The following DNAH14 variants were observed in gnomAD, a reference collection of about 807,000 sequenced individuals.
DNAH14 encodes the protein dynein axonemal heavy chain 14.
DNAH14 carries 478 observed loss-of-function variants against 520.9 expected under a neutral mutation model. That is an observed-to-expected ratio of 0.92 (90% CI 0.85 to 0.99). The LOEUF is 0.99. DNAH14 is among the 50% of genes least tolerant of loss of function. The probability of loss-of-function intolerance (pLI) is 0.00; values close to 1 mark genes in which losing one functional copy is unlikely to be tolerated. For synonymous variants in DNAH14, 1,581 were observed against 1,757.2 expected (o/e 0.90, Z 2.51); for missense variants, 4,831 against 5,234.5 (o/e 0.92, Z 2.38).
At chr1:225,051,313 C>T (rs185142943) in intron 16 of DNAH14, 138 bp from the exon 17 acceptor site, 40 of 588,292 alleles carry the variant, frequency 6.8e-5, no homozygotes, top group South Asian at 3.1e-4. Context: ...CAACATATTT[C>T]GATTTTTAAT....
In DNAH14 at chr1:225,340,630, G is replaced by A. The variant is rs966505298; in HGVS notation, c.10607G>A (p.Ser3536Asn). 17 of 1,551,280 alleles carry A rather than the reference G, an allele frequency of 1.1e-5. No individual in the cohort carries two copies. The highest frequency in any genetic ancestry group is 2.7e-5 in the African/African-American group (2 of 73,024). The change falls in exon 69 of 86, where the codon AGT becomes AAT. Residue 3536 changes from serine (S) to asparagine (N), a missense_variant. Ser to Asn is a conservative substitution (Grantham distance 46). Coordinates refer to ENST00000682510, the MANE Select transcript of DNAH14 (RefSeq NM_001367479.1). ...GATCAACGTTCCAAGTTACTGGAGA[G>A]TATTTCCCTTGATGCCATAACTCTT... ...LEDQRSKLLE[S>N]ISLDAITLEE...
chr1:225,244,169 A>G (rs2092136719), intron 43 of DNAH14, among the ~76,000 whole-genome samples: 1 of 152,116 alleles, frequency 6.6e-6, no homozygotes, highest in African/African-American at 2.4e-5. Flanking sequence ...TGATTTGTGT[A>G]TGGTGAACCA....
At chr1:225,346,796 A>G in intron 71 of DNAH14, 142 bp downstream of exon 71, 1 of 579,422 alleles carries the variant, frequency 1.7e-6, no homozygotes, top group Admixed American at 3.4e-5. Context: ...GTTACTCAAT[A>G]ATTTTTTAAT....
chr1:225,081,569 C>T (rs2073126023), intron 19 of DNAH14, among the ~76,000 whole-genome samples: 1 of 152,130 alleles, frequency 6.6e-6, no homozygotes, highest in South Asian at 2.1e-4. Context: ...TTGCTGTTTG[C>T]CAAAGTCTAG....
chr1:225,278,842 A>G (rs913797680), intron 54 of DNAH14, among the ~76,000 whole-genome samples: 2 of 152,190 alleles, frequency 1.3e-5, no homozygotes, highest in Admixed American at 6.5e-5. Flanking sequence ...CCTACACTCA[A>G]CTGGAATCTG....
intron 81 of DNAH14, among the ~76,000 whole-genome samples, chr1:225,381,914 G>T (rs1015275114): frequency 2.0e-5 from 3 of 152,178 alleles, no homozygotes; most frequent in African/African-American, 7.2e-5. Flanking sequence ...AGATGATGAA[G>T]AAATTACTGG....
At chr1:225,371,290 T>C (rs1377220221) in intron 77 of DNAH14, among the ~76,000 whole-genome samples, 1 of 152,094 alleles carries the variant, frequency 6.6e-6, no homozygotes, top group Admixed American at 6.5e-5. Flanking sequence ...ATTCCAGTAA[T>C]GCAAGAATGA....
In DNAH14 at chr1:224,986,331, A is replaced by G. The variant is rs1255570646; in HGVS notation, c.830+12178A>G. ...ACAAAGGCTTATTAAAAAAAAAAAA[A>G]AAAAAAAGAAAACTACAGGCCAATA... On this transcript the variant is annotated intron_variant, in intron 8 of 85. Transcript: ENST00000682510. 3.8e-3 allele frequency among the ~76,000 whole-genome samples: 574 copies of G among 151,118 alleles called. 6 individuals carry two copies. The highest frequency in any genetic ancestry group is 0.013 in the African/African-American group (541 of 41,420).
At position 225,346,608 on chromosome 1, in the gene DNAH14, C is replaced by T. The variant is rs1021317558; in HGVS notation, c.11250C>T (p.Gly3750=). The T allele has an allele frequency of 3.9e-6, 6 of 1,549,504 alleles. No homozygotes were observed. In the African/African-American group the frequency reaches 5.5e-5, roughly 14 times the overall value. Residue 3750 remains glycine (G), a synonymous_variant, in exon 71 of 86, where the codon GGC becomes GGT. Transcript: ENST00000682510. ...EEEWNIFLYS[G]ILINIKSALS... ...AATGGAACATCTTTTTATATTCTGG[C>T]ATATTGATAAATATTAAAAGTGCAT...
intron 12 of DNAH14, among the ~76,000 whole-genome samples, chr1:225,041,211 C>T (rs1187822639): frequency 1.3e-5 from 2 of 152,140 alleles, no homozygotes; most frequent in Non-Finnish European, 2.9e-5. Flanking sequence ...CCTTGGTTTG[C>T]TCCTCTTTTT....
chr1:225,267,560 G>A lies in DNAH14; in HGVS notation c.7539+791G>A, dbSNP rs569111766. ...CTGCCTCGGCCTCCCAAAGTGCTGG[G>A]ATTACAGGCGTGAGCCACCATGCCC... is the stretch of plus-strand genomic sequence containing the variant. On this transcript the variant is annotated intron_variant, in intron 49 of 85. Coordinates refer to ENST00000682510, the MANE Select transcript of DNAH14 (RefSeq NM_001367479.1). Among the ~76,000 whole-genome samples, 28 of 152,162 alleles carry A rather than the reference G, an allele frequency of 1.8e-4. No homozygotes were observed. In the South Asian group the frequency reaches 4.6e-3, roughly 25 times the overall value.
intron 15 of DNAH14, among the ~76,000 whole-genome samples, chr1:225,045,656 A>T (rs1308985274): frequency 6.6e-6 from 1 of 152,094 alleles, no homozygotes; most frequent in Non-Finnish European, 1.5e-5. Context: ...TTGAGGATAT[A>T]CATCTTGAGG....
intron 22 of DNAH14, 47 bp from the exon 23 acceptor site, chr1:225,100,666 A>ATG: frequency 1.4e-6 from 2 of 1,384,294 alleles, no homozygotes; most frequent in Non-Finnish European, 1.9e-6. Context: ...GATTTTAATC[A>ATG]TAGTGCCTTA....
At chr1:225,105,623 C>A (rs530916699) in intron 23 of DNAH14, among the ~76,000 whole-genome samples, 2 of 152,274 alleles carry the variant, frequency 1.3e-5, no homozygotes, top group South Asian at 2.1e-4. Context: ...TTGAATTGAT[C>A]CTTTTACCAT....
Position 224,955,069 on chromosome 1 carries a change from C to T in DNAH14, c.188C>T (p.Ser63Phe). 6.2e-7 allele frequency: 1 copy of T among 1,610,678 alleles called. No individual in the cohort carries two copies. Among genetic ancestry groups the T allele is most frequent in the Non-Finnish European group, 8.5e-7 (1 of 1,178,246 alleles). ...TLEYKTVRTF[S>F]ESLKSEKTED... ...GAATATAAAACAGTTAGAACATTCT[C>T]TGAATCTTTGAAGTCAGAGAAAACA... is the stretch of plus-strand genomic sequence containing the variant. The change falls in exon 3 of 86, where the codon TCT becomes TTT. Residue 63 changes from serine to phenylalanine, a missense_variant. Physicochemically the swap from Ser to Phe is radical, Grantham distance 155 (BLOSUM62 -2). Transcript: ENST00000682510.
At chr1:225,169,836 A>T (rs1298089629) in intron 36 of DNAH14, among the ~76,000 whole-genome samples, 1 of 152,200 alleles carries the variant, frequency 6.6e-6, no homozygotes, top group Non-Finnish European at 1.5e-5. Flanking sequence ...CCAAAGTTGA[A>T]ATGAAGGAAA....
intron 36 of DNAH14, among the ~76,000 whole-genome samples, chr1:225,172,422 A>T (rs2149237204): frequency 6.6e-6 from 1 of 152,348 alleles, no homozygotes; most frequent in East Asian, 1.9e-4. Flanking sequence ...AAGTCTCAGG[A>T]TACAAAATCA....
intron 1 of DNAH14, 100 bp downstream of exon 1, chr1:224,929,935 C>T: frequency 3.7e-6 from 2 of 545,144 alleles, no homozygotes; most frequent in South Asian, 4.5e-5. Context: ...TGCGTGGGCG[C>T]GGAGGGCCTG....
At chr1:225,251,635 A>C (rs545679354) in intron 43 of DNAH14, among the ~76,000 whole-genome samples, 22 of 152,336 alleles carry the variant, frequency 1.4e-4, no homozygotes, top group Non-Finnish European at 2.4e-4. Context: ...TAACAATAAT[A>C]GTAAGACAAG....
Sources: gnomAD v4.1 joint callset for allele counts (sites outside exome capture counted in the v4.1 genomes callset) on GRCh38, gnomAD v4.1.1 for gene constraint, MANE v1.5 for transcripts, NCBI Gene and HGNC (gene_info 2026-07-23, HGNC 2026-07-21) for gene names.